TRIQK: variants seen among roughly 807,000 people sequenced by gnomAD.
TRIQK encodes the protein triple QxxK/R motif containing.
TRIQK carries 10 observed loss-of-function variants against 10.8 expected under a neutral mutation model. That is an observed-to-expected ratio of 0.92 (90% CI 0.57 to 1.57). TRIQK has a LOEUF of 1.57. Among genes scored for constraint, TRIQK ranks in the 40% most tolerant of loss-of-function variants. The pLI, the probability that TRIQK is intolerant of heterozygous loss-of-function variation, is 0.00. For synonymous variants in TRIQK, 33 were observed against 33.7 expected (o/e 0.98, Z 0.07); for missense variants, 107 against 97.7 (o/e 1.09, Z -0.40).
intron 3 of TRIQK, 137 bp downstream of exon 3, chr8:92,916,792 T>G: frequency 5.5e-6 from 3 of 545,836 alleles, no homozygotes; most frequent in Non-Finnish European, 8.3e-6. Flanking sequence ...TTTGCTTCCA[T>G]AAAACTCTAT....
At chr8:92,893,555 A>G (rs867057455) in intron 3 of TRIQK, among the ~76,000 whole-genome samples, 65 of 152,030 alleles carry the variant, frequency 4.3e-4, no homozygotes, top group African/African-American at 1.4e-3. Flanking sequence ...CATGAGAAAA[A>G]TGTTACTCTG....
At chr8:92,920,411 A>G (rs1376996628) in intron 2 of TRIQK, among the ~76,000 whole-genome samples, 2 of 151,746 alleles carry the variant, frequency 1.3e-5, no homozygotes, top group African/African-American at 2.4e-5. Context: ...AGAGAATAGA[A>G]AGTCCAGTAA....
intron 3 of TRIQK, among the ~76,000 whole-genome samples, chr8:92,899,267 G>T (rs1222740951): frequency 6.6e-6 from 1 of 151,870 alleles, no homozygotes; most frequent in Non-Finnish European, 1.5e-5. Context: ...TTACAGGCAT[G>T]AGCCACTGCA....
intron 4 of TRIQK, among the ~76,000 whole-genome samples, chr8:92,888,961 A>C (rs1014698931): frequency 2.0e-4 from 31 of 151,800 alleles, no homozygotes; most frequent in Admixed American, 1.7e-3. Context: ...TTGAAAAAAT[A>C]ATCTTTTAAT....
At chr8:92,978,212 A>G (rs940606505) in intron 1 of TRIQK, among the ~76,000 whole-genome samples, 6 of 152,022 alleles carry the variant, frequency 3.9e-5, no homozygotes, top group Admixed American at 3.9e-4. Context: ...TTCTTAACTC[A>G]GGCACACCAC....
At chr8:92,934,710 T>G (rs1810897530) in intron 2 of TRIQK, among the ~76,000 whole-genome samples, 1 of 151,962 alleles carries the variant, frequency 6.6e-6, no homozygotes, top group African/African-American at 2.4e-5. Context: ...ATTTGCAGAC[T>G]GCTAGTTTTC....
intron 3 of TRIQK, among the ~76,000 whole-genome samples, chr8:92,901,696 G>A (rs1396802030): frequency 6.6e-6 from 1 of 152,020 alleles, no homozygotes; most frequent in South Asian, 2.1e-4. Context: ...GGAGTGGCCT[G>A]TAGTTTTCTT....
chr8:92,891,811 A>C (rs1004071092), intron 4 of TRIQK, among the ~76,000 whole-genome samples, 178 bp downstream of exon 4: 1 of 151,928 alleles, frequency 6.6e-6, no homozygotes, highest in Non-Finnish European at 1.5e-5. Context: ...TCAAAATCTC[A>C]GAATAGGAAG....
At chr8:92,964,353 C>T (rs1812620666) in intron 1 of TRIQK, among the ~76,000 whole-genome samples, 2 of 151,722 alleles carry the variant, frequency 1.3e-5, no homozygotes, top group Non-Finnish European at 2.9e-5. Context: ...TTCTGAGGAG[C>T]AAGTCAATAG....
intron 3 of TRIQK, among the ~76,000 whole-genome samples, chr8:92,898,459 G>C (rs1808725646): frequency 6.6e-6 from 1 of 152,092 alleles, no homozygotes. Context: ...ACACTCCTTA[G>C]ATGGTTTTAA....
At chr8:92,949,118 C>T (rs372073381) in intron 2 of TRIQK, among the ~76,000 whole-genome samples, 2 of 152,202 alleles carry the variant, frequency 1.3e-5, no homozygotes, top group Non-Finnish European at 2.9e-5. Context: ...CATGGTTATG[C>T]TAATCTCTCT....
In TRIQK at chr8:92,950,113, A is replaced by T. The variant is rs568956271; in HGVS notation, c.-22+4293T>A. On this transcript the variant is annotated intron_variant, in intron 2 of 4. Coordinates refer to ENST00000521988, the MANE Select transcript of TRIQK (RefSeq NM_001171797.2). ...ACAAAAGTATCTTTGGATAACTTTT[A>T]AAATGCCAAATTATGTATGCTATCT... Among the ~76,000 whole-genome samples the T allele has an allele frequency of 3.3e-5, 5 of 152,286 alleles. No individual in the cohort carries two copies. In the East Asian group the frequency reaches 9.6e-4, roughly 29 times the overall value.
At chr8:93,002,582 A>G (rs1563454847) in intron 1 of TRIQK, among the ~76,000 whole-genome samples, 3 of 152,174 alleles carry the variant, frequency 2.0e-5, no homozygotes, top group Non-Finnish European at 4.4e-5. Context: ...TGAACAGACC[A>G]ATAATGAATG....
At chr8:92,981,965 C>T (rs1475667254) in intron 1 of TRIQK, among the ~76,000 whole-genome samples, 1 of 151,704 alleles carries the variant, frequency 6.6e-6, no homozygotes, top group East Asian at 1.9e-4. Flanking sequence ...CATTTTTAGA[C>T]TTACAGCTTA....
chr8:92,958,967 ATGAG>A (rs2130701957), intron 1 of TRIQK, among the ~76,000 whole-genome samples: 1 of 152,240 alleles, frequency 6.6e-6, no homozygotes, highest in South Asian at 2.1e-4. Flanking sequence ...ACGTAAACAA[ATGAG>A]TGTGATTGTT....
intron 3 of TRIQK, among the ~76,000 whole-genome samples, chr8:92,897,822 T>C (rs1808690266): frequency 2.0e-5 from 3 of 152,116 alleles, no homozygotes; most frequent in African/African-American, 7.2e-5. Flanking sequence ...GGTATATGTG[T>C]ATGTTTTTGT....
At chr8:92,903,678 A>T (rs1809079777) in intron 3 of TRIQK, among the ~76,000 whole-genome samples, 1 of 152,070 alleles carries the variant, frequency 6.6e-6, no homozygotes, top group Admixed American at 6.6e-5. Context: ...AAATTGCTAG[A>T]TCTATACTAT....
rs142172689 is a variant in TRIQK, at chr8:92,990,622, A to C, written c.-181+26987T>G. ...AGAGGGCAAGCTGAAGCAGCGTGGG[A>C]AGTCGCTTCACCTGGGAAGTGCAAA... is the stretch of plus-strand genomic sequence containing the variant. On this transcript the variant is annotated intron_variant, in intron 1 of 4. Coordinates refer to the TRIQK transcript ENST00000520686. Among the ~76,000 whole-genome samples, 553 of 152,206 alleles carry C rather than the reference A, an allele frequency of 3.6e-3. 5 individuals carry two copies. The highest frequency in any genetic ancestry group is 0.013 in the African/African-American group (526 of 41,550).
intron 1 of TRIQK, among the ~76,000 whole-genome samples, chr8:92,995,167 T>C (rs1214248818): frequency 2.6e-5 from 4 of 152,066 alleles, no homozygotes; most frequent in African/African-American, 9.7e-5. Flanking sequence ...TTTTTATGTC[T>C]TGATCTGAGA....
Sources: allele counts gnomAD v4.1 joint callset (sites outside exome capture counted in the v4.1 genomes callset), GRCh38; gene constraint gnomAD v4.1.1; transcripts MANE v1.5; gene names NCBI Gene and HGNC (gene_info 2026-07-23, HGNC 2026-07-21).